Variants in NXPE4 observed in about 807,000 individuals in gnomAD.
The protein encoded by NXPE4 is NXPE family member 4.
In NXPE4, 42 loss-of-function variants were observed where a neutral mutation model predicts 33.3. The observed-to-expected ratio is 1.26, with a 90% CI of 0.98 to 1.63. The LOEUF (loss-of-function observed/expected upper bound fraction) is 1.63. NXPE4 is among the 40% of genes most tolerant of loss of function. The pLI is 0.00. For synonymous variants in NXPE4, 253 were observed against 234.9 expected (o/e 1.08, Z -0.71); for missense variants, 709 against 647.6 (o/e 1.09, Z -1.03).
the NXPE4 span, among the ~76,000 whole-genome samples, chr11:114,641,270 C>G: frequency 6.6e-6 from 1 of 151,812 alleles, no homozygotes; most frequent in Non-Finnish European, 1.5e-5. Context: ...ATATCACTAT[C>G]TATATTTTAA....
chr11:114,665,208 A>C, the NXPE4 span, among the ~76,000 whole-genome samples: 4 of 152,172 alleles, frequency 2.6e-5, no homozygotes, highest in Non-Finnish European at 4.4e-5. Flanking sequence ...AGTAATATCT[A>C]TTTAAGATAA....
the NXPE4 span, among the ~76,000 whole-genome samples, chr11:114,613,962 G>A: frequency 6.7e-5 from 10 of 149,970 alleles, no homozygotes; most frequent in East Asian, 6.0e-4. Flanking sequence ...ACTGTTTACC[G>A]GTGGATAATA....
intron 5 of NXPE4, among the ~76,000 whole-genome samples, chr11:114,575,834 G>A (rs1948983761): frequency 6.6e-6 from 1 of 152,010 alleles, no homozygotes; most frequent in Non-Finnish European, 1.5e-5. Context: ...ATTCTTCACA[G>A]AACTAGAAAA....
At chr11:114,607,097 G>T in the NXPE4 span, among the ~76,000 whole-genome samples, 512 of 150,232 alleles carry the variant, frequency 3.4e-3, 4 homozygotes, top group Admixed American at 9.0e-3. Flanking sequence ...GTATTGCCTC[G>T]TGAGTAACCA....
At chr11:114,661,752 A>G in the NXPE4 span, among the ~76,000 whole-genome samples, 1 of 152,236 alleles carries the variant, frequency 6.6e-6, no homozygotes, top group Non-Finnish European at 1.5e-5. Flanking sequence ...TTACAAACAC[A>G]TAGTAGTTCA....
At chr11:114,616,914 T>A in the NXPE4 span, among the ~76,000 whole-genome samples, 1 of 146,600 alleles carries the variant, frequency 6.8e-6, no homozygotes, top group African/African-American at 2.8e-5. Flanking sequence ...GGGTAACCAC[T>A]GTTACCTGGT....
the NXPE4 span, among the ~76,000 whole-genome samples, chr11:114,621,720 T>C: frequency 6.6e-6 from 1 of 152,080 alleles, no homozygotes; most frequent in Non-Finnish European, 1.5e-5. Context: ...ATCATAATGA[T>C]TGCCCTGTGG....
chr11:114,639,909 A>T, the NXPE4 span, among the ~76,000 whole-genome samples: 12 of 116,768 alleles, frequency 1.0e-4, no homozygotes, highest in South Asian at 2.5e-4. Context: ...TTAAATATAA[A>T]ATATAATATT....
chr11:114,654,772 A>G, the NXPE4 span, among the ~76,000 whole-genome samples: 2 of 152,202 alleles, frequency 1.3e-5, no homozygotes, highest in Non-Finnish European at 2.9e-5. Flanking sequence ...ATAGTGCTGC[A>G]ATAAATATAT....
the NXPE4 span, among the ~76,000 whole-genome samples, chr11:114,631,671 A>G: frequency 6.6e-6 from 1 of 151,982 alleles, no homozygotes; most frequent in Non-Finnish European, 1.5e-5. Context: ...CTTAAAGTAT[A>G]TATATAAAAA....
chr11:114,571,650 G>A (rs545479291), intron 5 of NXPE4, among the ~76,000 whole-genome samples, 177 bp from the exon 6 acceptor site: 6 of 152,348 alleles, frequency 3.9e-5, no homozygotes, highest in South Asian at 2.1e-4. Flanking sequence ...AAAGTGTTAC[G>A]TAGCATCTTG....
the NXPE4 span, among the ~76,000 whole-genome samples, chr11:114,673,528 C>A: frequency 6.4e-4 from 96 of 150,098 alleles, 1 homozygote; most frequent in African/African-American, 2.1e-3. Context: ...TCATTGAAAC[C>A]AAAAAAAAGT....
At chr11:114,636,594 G>A in the NXPE4 span, among the ~76,000 whole-genome samples, 22 of 151,810 alleles carry the variant, frequency 1.4e-4, no homozygotes, top group Non-Finnish European at 2.7e-4. Flanking sequence ...TCTCTTGTGG[G>A]CATTTAGTGC....
At chr11:114,591,638 A>T (rs1949456840) in intron 2 of NXPE4, among the ~76,000 whole-genome samples, 1 of 152,194 alleles carries the variant, frequency 6.6e-6, no homozygotes, top group Admixed American at 6.5e-5. Context: ...CCTCAGGATG[A>T]CTACAGTCAG....
chr11:114,602,693 C>T, the NXPE4 span, among the ~76,000 whole-genome samples: 1 of 138,896 alleles, frequency 7.2e-6, no homozygotes, highest in African/African-American at 2.7e-5. Context: ...ATAATTATCT[C>T]ATATATAATA....
chr11:114,666,002 C>T, the NXPE4 span, among the ~76,000 whole-genome samples: 5 of 152,160 alleles, frequency 3.3e-5, no homozygotes, highest in African/African-American at 7.2e-5. Flanking sequence ...TACAGGTTTC[C>T]GATTCCAGTG....
chr11:114,599,445 T>G (rs938060676), upstream of NXPE4, among the ~76,000 whole-genome samples: 1 of 152,212 alleles, frequency 6.6e-6, no homozygotes, highest in Non-Finnish European at 1.5e-5. Flanking sequence ...AAAGTTGCTT[T>G]GACATTTTCA....
At chr11:114,616,901 C>T in the NXPE4 span, among the ~76,000 whole-genome samples, 91 of 151,762 alleles carry the variant, frequency 6.0e-4, no homozygotes, top group Admixed American at 1.4e-3. Flanking sequence ...GGTATTGTCT[C>T]GTGGGTAACC....
At chr11:114,667,690 C>T in the NXPE4 span, among the ~76,000 whole-genome samples, 1 of 152,054 alleles carries the variant, frequency 6.6e-6, no homozygotes, top group East Asian at 1.9e-4. Flanking sequence ...AGAACTGAGA[C>T]CTTGCTAACA....
Sources: gnomAD v4.1 joint callset for allele counts (sites outside exome capture counted in the v4.1 genomes callset) on GRCh38, gnomAD v4.1.1 for gene constraint, MANE v1.5 for transcripts, NCBI Gene and HGNC (gene_info 2026-07-23, HGNC 2026-07-21) for gene names.